SERINC5: variants seen among roughly 807,000 people sequenced by gnomAD.
The protein encoded by SERINC5 is serine incorporator 5.
Under a neutral mutation model 63.1 loss-of-function variants are expected in SERINC5, and 41 were observed. The observed-to-expected ratio is 0.65, with a 90% confidence interval of 0.51 to 0.84. SERINC5 has a LOEUF of 0.84. Among genes scored for constraint, SERINC5 ranks in the 40% least tolerant of loss-of-function variants. SERINC5 has a pLI of 0.00. For missense variants in SERINC5, 523 were observed against 573.0 expected (o/e 0.91, Z 0.89); for synonymous variants, 222 against 215.2 (o/e 1.03, Z -0.28).
At chr5:80,210,255 G>A (rs1750374084) in intron 1 of SERINC5, among the ~76,000 whole-genome samples, 1 of 152,072 alleles carries the variant, frequency 6.6e-6, no homozygotes. Flanking sequence ...CTAAATAGGA[G>A]GTGCTTTGTC....
chr5:80,114,861 A>C (rs1028255666), intron 11 of SERINC5, among the ~76,000 whole-genome samples: 1 of 152,038 alleles, frequency 6.6e-6, no homozygotes, highest in East Asian at 1.9e-4. Flanking sequence ...AATAACTCTG[A>C]CTAGGAATTG....
At position 80,256,044 on chromosome 5, in the gene SERINC5, G is replaced by A. The variant is rs1011174014; in HGVS notation, c.-122C>T. On this transcript the variant is annotated 5_prime_UTR_variant, in exon 1 of 12. Coordinates refer to ENST00000507668, the MANE Select transcript of SERINC5 (RefSeq NM_001174072.3). The stretch of plus-strand genomic sequence containing the variant: ...TCACACTTGAACGAAGATCAGCCTC[G>A]GCGAAGCGCCTAGGCGCCGAGGCCT... The A allele has an allele frequency of 1.7e-5, 19 of 1,101,148 alleles. No individual in the cohort carries two copies. In the African/African-American group the frequency reaches 2.0e-4, roughly 12 times the overall value. 68.2% of individuals were successfully genotyped at this position (1,101,148 alleles called of 1,614,324 possible).
intron 11 of SERINC5, among the ~76,000 whole-genome samples, chr5:80,132,599 CTTT>C (rs10708908): frequency 4.8e-5 from 7 of 147,334 alleles, no homozygotes; most frequent in Non-Finnish European, 7.5e-5. Flanking sequence ...TGCCTTAGTT[CTTT>C]TTTTTTTTAT....
intron 2 of SERINC5, among the ~76,000 whole-genome samples, chr5:80,187,149 A>G (rs780670646): frequency 5.3e-5 from 8 of 152,088 alleles, no homozygotes; most frequent in Non-Finnish European, 1.0e-4. Context: ...TTGGGTGACA[A>G]AGCAAAACTC....
chr5:80,149,936 C>T (rs779489658), intron 9 of SERINC5, among the ~76,000 whole-genome samples: 12 of 152,078 alleles, frequency 7.9e-5, no homozygotes, highest in Non-Finnish European at 1.5e-4. Flanking sequence ...GACTCTTGCA[C>T]AATTAAGAAA....
chr5:80,180,193 A>G (rs891574815), intron 2 of SERINC5, among the ~76,000 whole-genome samples: 2 of 152,256 alleles, frequency 1.3e-5, no homozygotes, highest in Non-Finnish European at 2.9e-5. Flanking sequence ...AAAATCTTAC[A>G]CAATGAGAAC....
At position 80,205,347 on chromosome 5, in the gene SERINC5, C is replaced by G. The variant is rs186677689; in HGVS notation, c.28-2294G>C. Among the ~76,000 whole-genome samples the G allele has an allele frequency of 2.4e-3, 364 of 152,320 alleles. 1 individual carries two copies. The highest frequency in any genetic ancestry group is 8.4e-3 in the African/African-American group (349 of 41,572). On this transcript the variant is annotated intron_variant, in intron 1 of 11. Coordinates refer to ENST00000507668, the MANE Select transcript of SERINC5 (RefSeq NM_001174072.3). ...CGGACTTGGATAACACCTCGGACAA[C>G]ATGACCATCAACCCTAGACGGTTTC...
chr5:80,178,070 G>C lies in SERINC5; in HGVS notation c.196-6C>G. 1 of 1,587,568 alleles carries C rather than the reference G, an allele frequency of 6.3e-7. No homozygotes were observed. The highest frequency in any genetic ancestry group is 1.4e-5 in the African/African-American group (1 of 73,712). On this transcript the variant is annotated splice_polypyrimidine_tract_variant and splice_region_variant and intron_variant, in intron 2 of 11. Coordinates refer to ENST00000507668, the MANE Select transcript of SERINC5 (RefSeq NM_001174072.3). ...ATATCTTCAAAAAAAGGAATCTGAGGAGAAAGTTTAGAAAAGTCATCTGTT... is the reference window on the plus strand; with the variant it reads ...ATATCTTCAAAAAAAGGAATCTGAGCAGAAAGTTTAGAAAAGTCATCTGTT...
chr5:80,201,759 T>C (rs1336306098), intron 2 of SERINC5, among the ~76,000 whole-genome samples: 3 of 152,142 alleles, frequency 2.0e-5, no homozygotes, highest in Non-Finnish European at 4.4e-5. Flanking sequence ...CCTACTTCTG[T>C]ATACGCTGAC....
intron 11 of SERINC5, among the ~76,000 whole-genome samples, chr5:80,126,972 G>T (rs1226008491): frequency 6.6e-6 from 1 of 152,098 alleles, no homozygotes; most frequent in African/African-American, 2.4e-5. Context: ...TTTCAAAGAA[G>T]AAGATTAAAA....
At chr5:80,166,925 A>C (rs1747338108) in intron 6 of SERINC5, 1 of 170,638 alleles carries the variant, frequency 5.9e-6, no homozygotes, top group South Asian at 1.4e-4. Context: ...GTCATCACAT[A>C]CTACAGTCTA....
chr5:80,116,278 A>G (rs539375064), intron 11 of SERINC5: 1 of 455,836 alleles, frequency 2.2e-6, no homozygotes, highest in East Asian at 7.0e-5. Context: ...CCCTCTTGCA[A>G]AAAGGGTATT....
At chr5:80,149,776 G>A (rs73772258) in intron 9 of SERINC5, among the ~76,000 whole-genome samples, 2,168 of 152,310 alleles carry the variant, frequency 0.014, 47 homozygotes, top group African/African-American at 0.05. Context: ...GAAGAACTTA[G>A]AACAGTGCCT....
chr5:80,126,003 A>G (rs775621805), intron 11 of SERINC5, among the ~76,000 whole-genome samples: 8 of 152,204 alleles, frequency 5.3e-5, no homozygotes, highest in Non-Finnish European at 1.2e-4. Flanking sequence ...TATCAGAAAG[A>G]TGAGGAGCTC....
intron 11 of SERINC5, among the ~76,000 whole-genome samples, chr5:80,114,064 C>A (rs1426106767): frequency 6.6e-6 from 1 of 152,038 alleles, no homozygotes; most frequent in Non-Finnish European, 1.5e-5. Flanking sequence ...CCCATTTCTT[C>A]AGCACCGTCT....
chr5:80,164,927 T>TTTTTTTTG, intron 7 of SERINC5, among the ~76,000 whole-genome samples: 1 of 142,678 alleles, frequency 7.0e-6, no homozygotes, highest in African/African-American at 2.6e-5. Flanking sequence ...TTTTTTTTTT[T>TTTTTTTTG]TTTTTGTAGA....
intron 2 of SERINC5, among the ~76,000 whole-genome samples, chr5:80,194,363 G>GA (rs894909985): frequency 6.6e-6 from 1 of 152,120 alleles, no homozygotes; most frequent in African/African-American, 2.4e-5. Context: ...AATATCAAAG[G>GA]AAAATCAAGA....
At chr5:80,209,899 T>C (rs1419191945) in intron 1 of SERINC5, among the ~76,000 whole-genome samples, 3 of 151,646 alleles carry the variant, frequency 2.0e-5, no homozygotes, top group Non-Finnish European at 4.4e-5. Flanking sequence ...CATACAAAAA[T>C]TAGCCAGGCA....
chr5:80,148,197 T>C (rs1745948342), intron 9 of SERINC5, among the ~76,000 whole-genome samples: 1 of 147,226 alleles, frequency 6.8e-6, no homozygotes, highest in Non-Finnish European at 1.5e-5. Flanking sequence ...TTCTTTTTTT[T>C]TTTTTTTTTT....
Sources: gnomAD v4.1 joint callset for allele counts (sites outside exome capture counted in the v4.1 genomes callset) on GRCh38, gnomAD v4.1.1 for gene constraint, MANE v1.5 for transcripts, NCBI Gene and HGNC (gene_info 2026-07-23, HGNC 2026-07-21) for gene names.